Variants in TATDN3 observed in about 807,000 individuals in gnomAD.
TATDN3 encodes the protein TatD DNase domain containing 3, also known as deoxyribonuclease TATDN3.
In TATDN3, 29 loss-of-function variants were observed where a neutral mutation model predicts 40.1. That is an observed-to-expected ratio of 0.72 (90% CI 0.54 to 0.99). The LOEUF (loss-of-function observed/expected upper bound fraction) is 0.99. Among genes scored for constraint, TATDN3 ranks in the 50% least tolerant of loss-of-function variants. The probability of loss-of-function intolerance (pLI) is 0.00; values close to 1 mark genes in which losing one functional copy is unlikely to be tolerated. For synonymous variants in TATDN3, 105 were observed against 117.0 expected, an observed-to-expected ratio of 0.90 and a Z score of 0.66; for missense variants, 309 against 321.9, an observed-to-expected ratio of 0.96 and a Z score of 0.31.
At chr1:212,804,688 A>G in intron 7 of TATDN3, 37 bp downstream of exon 7, 1 of 1,559,296 alleles carries the variant, frequency 6.4e-7, no homozygotes, top group Non-Finnish European at 8.8e-7. Context: ...CCTAATGTTC[A>G]AGTTTGACAA....
intron 9 of TATDN3, among the ~76,000 whole-genome samples, chr1:212,812,666 CT>C (rs1248235018): frequency 6.6e-6 from 1 of 152,120 alleles, no homozygotes; most frequent in Non-Finnish European, 1.5e-5. Flanking sequence ...TCTGAAACTG[CT>C]TTTTCATTTA....
chr1:212,803,309 A>G (rs948186065), intron 5 of TATDN3, among the ~76,000 whole-genome samples: 1 of 151,674 alleles, frequency 6.6e-6, no homozygotes, highest in Non-Finnish European at 1.5e-5. Context: ...CAGCCTCCCT[A>G]CTAGCTGGGA....
chr1:212,792,115 A>G (rs1467906239), intron 1 of TATDN3, 128 bp downstream of exon 1: 1 of 908,364 alleles, frequency 1.1e-6, no homozygotes. Context: ...TTATGGCCAT[A>G]TGACCTTGCC....
intron 8 of TATDN3, among the ~76,000 whole-genome samples, chr1:212,809,495 T>A (rs917196838): frequency 1.3e-5 from 2 of 151,764 alleles, no homozygotes; most frequent in Non-Finnish European, 2.9e-5. Context: ...CCATCCTGGC[T>A]AACACGGGGA....
chr1:212,804,790 A>T, intron 7 of TATDN3, 139 bp downstream of exon 7: 1 of 687,268 alleles, frequency 1.5e-6, no homozygotes, highest in Non-Finnish European at 2.5e-6. Context: ...ATCTAAGATG[A>T]TGTTGCAGGT....
chr1:212,807,879 C>T (rs1477031331), intron 8 of TATDN3, 31 bp downstream of exon 8: 3 of 1,385,142 alleles, frequency 2.2e-6, no homozygotes, highest in Non-Finnish European at 3.0e-6. Context: ...TCATCTAATA[C>T]TTATGAAATA....
chr1:212,807,590 C>T (rs558289207), intron 7 of TATDN3, 146 bp from the exon 8 acceptor site: 10 of 548,918 alleles, frequency 1.8e-5, no homozygotes, highest in African/African-American at 5.9e-5. Flanking sequence ...CTTTGAACAC[C>T]GTACATTTAT....
At chr1:212,799,532 G>A (rs1662039172) in intron 4 of TATDN3, among the ~76,000 whole-genome samples, 1 of 151,708 alleles carries the variant, frequency 6.6e-6, no homozygotes, top group East Asian at 1.9e-4. Context: ...CAGTATGATA[G>A]GTACTTCTTT....
At chr1:212,794,556 A>C in intron 1 of TATDN3, 2 of 338,386 alleles carry the variant, frequency 5.9e-6, no homozygotes, top group South Asian at 2.4e-5. Flanking sequence ...GCACCATTGC[A>C]CTACAGCTGG....
chr1:212,795,040 C>G, intron 1 of TATDN3, 55 bp from the exon 2 acceptor site: 1 of 1,411,238 alleles, frequency 7.1e-7, no homozygotes, highest in Non-Finnish European at 1.0e-6. Flanking sequence ...ATATACAGTC[C>G]AAGATTAGCT....
chr1:212,797,182 A>C lies in TATDN3; in HGVS notation c.244A>C (p.Ser82Arg). The stretch of plus-strand genomic sequence containing the variant: ...AGGACTTCCACCAGAAGACCAAAGA[A>C]GTGTCACACTAAAGGTAACAGTCAT... ...VQGLPPEDQR[S>R]VTLKDLDVAL... Residue 82 changes from serine to arginine, a missense_variant, in exon 4 of 10, where the codon AGT becomes CGT. Transcript: ENST00000366974. 6.2e-7 allele frequency: 1 copy of C among 1,613,970 alleles called. No individual in the cohort carries two copies. Among genetic ancestry groups the C allele is most frequent in the South Asian group, 1.1e-5 (1 of 91,068 alleles).
At chr1:212,802,629 A>G in intron 4 of TATDN3, 72 bp from the exon 5 acceptor site, 2 of 1,021,940 alleles carry the variant, frequency 2.0e-6, no homozygotes, top group South Asian at 1.3e-5. Context: ...CATAGCACCT[A>G]GCACATAATA....
intron 4 of TATDN3, among the ~76,000 whole-genome samples, chr1:212,801,869 C>T (rs996286800): frequency 1.3e-5 from 2 of 152,148 alleles, no homozygotes; most frequent in Admixed American, 6.5e-5. Flanking sequence ...ACTTACCCTC[C>T]TTCATCTTTG....
chr1:212,794,974 A>G (rs1378178585), intron 1 of TATDN3, 121 bp from the exon 2 acceptor site: 3 of 765,566 alleles, frequency 3.9e-6, no homozygotes, highest in Admixed American at 2.2e-5. Context: ...TTTGTTTTCC[A>G]CCACTCCATT....
intron 1 of TATDN3, among the ~76,000 whole-genome samples, chr1:212,792,671 G>C (rs1393946542): frequency 7.2e-6 from 1 of 139,030 alleles, no homozygotes; most frequent in Non-Finnish European, 1.6e-5. Context: ...ATGGGGGAGA[G>C]AGGCAAACAA....
intron 6 of TATDN3, 79 bp downstream of exon 6, chr1:212,804,508 A>G: frequency 6.5e-7 from 1 of 1,540,406 alleles, no homozygotes; most frequent in Non-Finnish European, 8.9e-7. Context: ...ATGGAACTCT[A>G]CATTTATTTT....
In TATDN3 at chr1:212,791,927, A is replaced by G. The variant is rs1323146656; in HGVS notation, c.6A>G (p.Arg2=). ...GCGGCAGCCGCCGGGGCGCAATGCG[A>G]GCGGCTGGCGTAGGCTTGGTGGACT... M[R]AAGVGLVDCH... is the part of the protein sequence containing the mutation. Residue 2 remains arginine, a synonymous_variant, in exon 1 of 10, where the codon CGA becomes CGG. Coordinates refer to ENST00000366974, the MANE Select transcript of TATDN3 (RefSeq NM_001042552.3). 6.2e-7 allele frequency: 1 copy of G among 1,613,310 alleles called. No individual in the cohort carries two copies. The highest frequency in any genetic ancestry group is 1.7e-5 in the Admixed American group (1 of 59,984).
intron 7 of TATDN3, among the ~76,000 whole-genome samples, chr1:212,806,921 CAT>C (rs1214891800): frequency 5.7e-5 from 7 of 123,582 alleles, no homozygotes; most frequent in East Asian, 2.3e-4. Context: ...CACATATATA[CAT>C]ATATATATAT....
rs181229957 is a variant in TATDN3 at position 212,796,307 on chromosome 1, T to C, written c.100-210T>C. On this transcript the variant is annotated intron_variant, in intron 2 of 9. Coordinates refer to ENST00000366974, the MANE Select transcript of TATDN3 (RefSeq NM_001042552.3). ...CTATACAGTAGACTATAGCCTACTTTATAGGTTTCTGTAAATTAAATGAGG... is the reference window on the plus strand; with the variant it reads ...CTATACAGTAGACTATAGCCTACTTCATAGGTTTCTGTAAATTAAATGAGG... Among the ~76,000 whole-genome samples, 16 of 152,342 alleles carry C rather than the reference T, an allele frequency of 1.1e-4. No homozygotes were observed. The East Asian group carries it at 2.9e-3, about 28-fold the overall frequency.
Sources: gnomAD v4.1 joint callset for allele counts (sites outside exome capture counted in the v4.1 genomes callset) on GRCh38, gnomAD v4.1.1 for gene constraint, MANE v1.5 for transcripts, NCBI Gene and HGNC (gene_info 2026-07-23, HGNC 2026-07-21) for gene names.